Variants in CAMK1D observed in about 807,000 individuals in gnomAD.
CAMK1D encodes the protein calcium/calmodulin dependent protein kinase ID.
Under a neutral mutation model 47.7 loss-of-function variants are expected in CAMK1D, and 9 were observed. The observed-to-expected ratio is 0.19, with a 90% CI of 0.11 to 0.33. The LOEUF (loss-of-function observed/expected upper bound fraction) is 0.33. Ranked by LOEUF, CAMK1D falls within the 10% of genes least tolerant of loss-of-function variation. The pLI is 1.00. For missense variants in CAMK1D, 291 were observed against 488.7 expected (o/e 0.60, Z 3.81); for synonymous variants, 184 against 184.9 (o/e 0.99, Z 0.04).
rs117096900 is a variant in CAMK1D at position 12,402,389 on chromosome 10, A to C, written c.92+52479A>C. Among the ~76,000 whole-genome samples the C allele has an allele frequency of 4.5e-3, 674 of 150,576 alleles. 12 individuals carry two copies. In the East Asian group the frequency reaches 0.064, roughly 14 times the overall value. ...GCTGGGACCACAGGCGGGCACCACC[A>C]TGCCCAGCTAATTTTTGTTTTTTGT... On this transcript the variant is annotated intron_variant, in intron 1 of 10. Transcript: ENST00000619168.
At chr10:12,766,827 A>G (rs1394639966) in intron 4 of CAMK1D, among the ~76,000 whole-genome samples, 1 of 152,126 alleles carries the variant, frequency 6.6e-6, no homozygotes, top group Non-Finnish European at 1.5e-5. Flanking sequence ...ACCGGCTAAG[A>G]CAGGGCTGCG....
intron 3 of CAMK1D, among the ~76,000 whole-genome samples, chr10:12,727,714 C>T (rs1421086439): frequency 2.6e-5 from 4 of 151,858 alleles, no homozygotes; most frequent in East Asian, 1.9e-4. Flanking sequence ...ATAGGATGCA[C>T]CTAAGAGCCA....
At chr10:12,825,821 C>A (rs536917404) in intron 10 of CAMK1D, 131 bp downstream of exon 10, 14 of 1,486,220 alleles carry the variant, frequency 9.4e-6, no homozygotes, top group Non-Finnish European at 1.2e-5. Context: ...CCATGTCATG[C>A]GACCCTAGGA....
intron 2 of CAMK1D, among the ~76,000 whole-genome samples, chr10:12,648,574 G>C (rs576731848): frequency 1.3e-5 from 2 of 152,154 alleles, no homozygotes; most frequent in African/African-American, 4.8e-5. Context: ...AGATTCAAGC[G>C]ATTCTTCTGC....
chr10:12,698,838 A>G (rs1194840623), intron 3 of CAMK1D, among the ~76,000 whole-genome samples: 1 of 151,534 alleles, frequency 6.6e-6, no homozygotes, highest in Non-Finnish European at 1.5e-5. Flanking sequence ...ACGCCCAGCT[A>G]ATTTTTGTAT....
intron 1 of CAMK1D, among the ~76,000 whole-genome samples, chr10:12,473,402 C>G (rs1366267947): frequency 6.6e-6 from 1 of 152,016 alleles, no homozygotes; most frequent in African/African-American, 2.4e-5. Context: ...CCACTGCACT[C>G]CAGCCTGGGT....
chr10:12,408,247 C>T (rs891070784), intron 1 of CAMK1D, among the ~76,000 whole-genome samples: 5 of 151,788 alleles, frequency 3.3e-5, no homozygotes, highest in African/African-American at 9.7e-5. Flanking sequence ...CTGCAAGCTC[C>T]GCCTCCCGGG....
intron 1 of CAMK1D, among the ~76,000 whole-genome samples, chr10:12,436,688 G>A (rs1832642818): frequency 6.6e-6 from 1 of 152,162 alleles, no homozygotes; most frequent in Non-Finnish European, 1.5e-5. Flanking sequence ...GCCCCATGGG[G>A]GCATCTGTGT....
At chr10:12,811,775 C>G (rs965851039) in intron 6 of CAMK1D, among the ~76,000 whole-genome samples, 1 of 152,210 alleles carries the variant, frequency 6.6e-6, no homozygotes, top group Non-Finnish European at 1.5e-5. Context: ...AGTTTTTTCT[C>G]CAAGATGAAC....
intron 1 of CAMK1D, among the ~76,000 whole-genome samples, chr10:12,381,751 GTTCA>G (rs1838354629): frequency 6.6e-6 from 1 of 152,176 alleles, no homozygotes; most frequent in Admixed American, 6.6e-5. Flanking sequence ...TCTGGTCAGT[GTTCA>G]TTGTCTTGCT....
In CAMK1D at chr10:12,727,787, T is replaced by C. The variant is rs1834716896; in HGVS notation, c.300-33161T>C. 1.4e-5 allele frequency among the ~76,000 whole-genome samples: 2 copies of C among 145,654 alleles called. 1 individual carries two copies. On this transcript the variant is annotated intron_variant, in intron 3 of 10. Coordinates refer to ENST00000619168, the MANE Select transcript of CAMK1D (RefSeq NM_153498.4). ...ACAGCCTTTTTTTTTTTTTTGAGAC[T>C]GAGTCTCGCTCTGTCACCTAGGCTG...
chr10:12,417,665 G>A (rs1444551185), intron 1 of CAMK1D, among the ~76,000 whole-genome samples: 1 of 152,200 alleles, frequency 6.6e-6, no homozygotes, highest in Non-Finnish European at 1.5e-5. Flanking sequence ...AGGGCTGGGG[G>A]AGGCCCGAGG....
intron 1 of CAMK1D, among the ~76,000 whole-genome samples, chr10:12,531,994 G>A (rs919248629): frequency 1.3e-5 from 2 of 152,164 alleles, no homozygotes; most frequent in Non-Finnish European, 2.9e-5. Context: ...CCCTTACCCG[G>A]CTCTTCCCAA....
At chr10:12,615,729 CATGT>C (rs1838775293) in intron 2 of CAMK1D, among the ~76,000 whole-genome samples, 1 of 149,870 alleles carries the variant, frequency 6.7e-6, no homozygotes, top group South Asian at 2.1e-4. Flanking sequence ...TGTGAGTGTG[CATGT>C]GTGTGGGGGT....
chr10:12,541,302 A>G (rs1437225005), intron 1 of CAMK1D, among the ~76,000 whole-genome samples: 2 of 152,212 alleles, frequency 1.3e-5, no homozygotes, highest in African/African-American at 4.8e-5. Context: ...TTCTGCCTGG[A>G]GAGTTGCGTA....
intron 1 of CAMK1D, among the ~76,000 whole-genome samples, chr10:12,507,851 T>C (rs1448501510): frequency 6.6e-6 from 1 of 152,194 alleles, no homozygotes; most frequent in Non-Finnish European, 1.5e-5. Context: ...CTTGCTTCTT[T>C]CCTGTGTCTG....
At chr10:12,774,661 G>A (rs1232560600) in intron 5 of CAMK1D, among the ~76,000 whole-genome samples, 3 of 152,218 alleles carry the variant, frequency 2.0e-5, no homozygotes, top group African/African-American at 7.2e-5. Flanking sequence ...TTCGGGGCCT[G>A]TTAGGAAGCG....
At chr10:12,371,312 C>T (rs986815874) in intron 1 of CAMK1D, among the ~76,000 whole-genome samples, 1 of 152,100 alleles carries the variant, frequency 6.6e-6, no homozygotes, top group African/African-American at 2.4e-5. Context: ...CACGGTGGCT[C>T]ACACCTGTAA....
intron 1 of CAMK1D, among the ~76,000 whole-genome samples, chr10:12,543,863 C>T (rs752372429): frequency 9.2e-5 from 14 of 152,260 alleles, no homozygotes; most frequent in Non-Finnish European, 1.9e-4. Flanking sequence ...GCCAACCATC[C>T]TAACACCACA....
Sources: gnomAD v4.1 joint callset for allele counts (sites outside exome capture counted in the v4.1 genomes callset) on GRCh38, gnomAD v4.1.1 for gene constraint, MANE v1.5 for transcripts, NCBI Gene and HGNC (gene_info 2026-07-23, HGNC 2026-07-21) for gene names.